The following FRYL variants were observed in gnomAD, a reference collection of about 807,000 sequenced individuals.
FRYL encodes the protein protein furry homolog-like.
A neutral mutation model predicts 351.2 loss-of-function variants in FRYL; 150 were observed. That is an observed-to-expected ratio of 0.43 (90% CI 0.37 to 0.49). FRYL has a LOEUF of 0.49. Ranked by LOEUF, FRYL falls within the 20% of genes least tolerant of loss-of-function variation. The pLI is 0.00. For missense variants in FRYL, 3,036 were observed against 3,619.3 expected (o/e 0.84, Z 4.13); for synonymous variants, 1,153 against 1,257.1 (o/e 0.92, Z 1.75).
chr4:48,642,574 C>G (rs1448393861), intron 3 of FRYL, among the ~76,000 whole-genome samples: 2 of 152,024 alleles, frequency 1.3e-5, no homozygotes, highest in African/African-American at 4.8e-5. Context: ...GTTTATTTAT[C>G]CTAAACTATT....
chr4:48,618,744 A>G (rs1279442079), intron 7 of FRYL: 1 of 152,404 alleles, frequency 6.6e-6, no homozygotes, highest in Non-Finnish European at 1.5e-5. Flanking sequence ...TTTATTGCCT[A>G]AAACAGTGCC....
chr4:48,688,695 ACT>A (rs1765403526), intron 2 of FRYL, among the ~76,000 whole-genome samples: 1 of 117,490 alleles, frequency 8.5e-6, no homozygotes, highest in Non-Finnish European at 1.6e-5. Context: ...ATGGAGTCTC[ACT>A]CTGTTGCCAG....
intron 41 of FRYL, 76 bp downstream of exon 41, chr4:48,547,507 GT>G: frequency 1.3e-6 from 1 of 759,024 alleles, no homozygotes; most frequent in Non-Finnish European, 2.0e-6. Context: ...CTTTTATTCA[GT>G]TGACTTTCTC....
Position 48,580,888 on chromosome 4 carries a change from T to A in FRYL, c.2236A>T (p.Ile746Leu). 1 of 1,610,936 alleles carries A rather than the reference T, an allele frequency of 6.2e-7. No homozygotes were observed. Among genetic ancestry groups the A allele is most frequent in the Non-Finnish European group, 8.5e-7 (1 of 1,177,860 alleles). The change falls in exon 22 of 64, where the codon ATA becomes TTA. Residue 746 changes from isoleucine (I) to leucine (L), a missense_variant. Physicochemically the swap from Ile to Leu is conservative, Grantham distance 5 (BLOSUM62 2). Coordinates refer to ENST00000358350, the MANE Select transcript of FRYL (RefSeq NM_015030.2). ...RLSPSILESF[I>L]HLTGADQTTL... ...ACCTGATCAGCCCCAGTGAGATGTA[T>A]GAAGCTCTCAAGAATGGATGGGCTT...
intron 1 of FRYL, among the ~76,000 whole-genome samples, chr4:48,718,698 T>G (rs1288422006): frequency 1.3e-5 from 2 of 151,566 alleles, no homozygotes; most frequent in African/African-American, 4.8e-5. Context: ...ATGTCAACCC[T>G]TCAAATTCAA....
chr4:48,640,198 C>G (rs928903924), intron 3 of FRYL, among the ~76,000 whole-genome samples: 5 of 152,150 alleles, frequency 3.3e-5, no homozygotes, highest in African/African-American at 9.7e-5. Context: ...CACAAAAAAC[C>G]TGCACATGGT....
chr4:48,574,617 T>G (rs1170390557), intron 25 of FRYL: 2 of 152,154 alleles, frequency 1.3e-5, no homozygotes, highest in Non-Finnish European at 2.9e-5. Flanking sequence ...AAAGAATAAA[T>G]TCTGTGCCCA....
chr4:48,733,261 C>T (rs535132471), intron 1 of FRYL, among the ~76,000 whole-genome samples: 2 of 149,924 alleles, frequency 1.3e-5, no homozygotes, highest in Non-Finnish European at 1.5e-5. Context: ...TGTGACAGAG[C>T]GAGACTCCAT....
intron 53 of FRYL, among the ~76,000 whole-genome samples, chr4:48,526,505 G>C (rs1348215202): frequency 1.3e-5 from 2 of 152,156 alleles, no homozygotes; most frequent in Non-Finnish European, 2.9e-5. Flanking sequence ...GACCATTTAG[G>C]AAAGCAGCTT....
chr4:48,557,368 T>C (rs1317478175), intron 34 of FRYL, 85 bp downstream of exon 34: 6 of 1,524,986 alleles, frequency 3.9e-6, no homozygotes, highest in African/African-American at 2.8e-5. Flanking sequence ...TATCACAGGA[T>C]TATGGAACCT....
chr4:48,515,485 A>G (rs1216473599), intron 55 of FRYL, among the ~76,000 whole-genome samples: 6 of 152,088 alleles, frequency 3.9e-5, no homozygotes, highest in South Asian at 2.1e-4. Context: ...CTCCTGCCTC[A>G]GCCTCCCAAA....
chr4:48,560,711 C>T (rs1321834513), intron 33 of FRYL, among the ~76,000 whole-genome samples: 2 of 152,132 alleles, frequency 1.3e-5, no homozygotes, highest in African/African-American at 4.8e-5. Context: ...CTACCAACTA[C>T]CAGGGCAAAC....
intron 62 of FRYL, among the ~76,000 whole-genome samples, chr4:48,501,085 C>CAAAAA (rs35171463): frequency 1.3e-5 from 1 of 75,334 alleles, no homozygotes; most frequent in Non-Finnish European, 2.5e-5. Flanking sequence ...GACTCTGCCT[C>CAAAAA]AAAAAAAAAA....
intron 26 of FRYL, 152 bp from the exon 27 acceptor site, chr4:48,571,070 A>G (rs1738211144): frequency 1.8e-6 from 1 of 556,358 alleles, no homozygotes; most frequent in African/African-American, 1.9e-5. Flanking sequence ...ACTGCCTCAA[A>G]GAGGTATGAG....
At chr4:48,606,417 G>A in intron 10 of FRYL, 21 bp downstream of exon 10, 1 of 1,543,828 alleles carries the variant, frequency 6.5e-7, no homozygotes, top group Admixed American at 1.7e-5. Flanking sequence ...TCTATTTACT[G>A]TCATTTAGAA....
chr4:48,700,816 A>T (rs543565465), intron 2 of FRYL, among the ~76,000 whole-genome samples: 2,669 of 138,950 alleles, frequency 0.019, 87 homozygotes, highest in African/African-American at 0.067. Flanking sequence ...AAATTAAATT[A>T]AAAAAAAAAA....
At chr4:48,684,372 G>A (rs1452882307) in intron 3 of FRYL, among the ~76,000 whole-genome samples, 1 of 152,110 alleles carries the variant, frequency 6.6e-6, no homozygotes, top group Non-Finnish European at 1.5e-5. Context: ...CTCGTTATAG[G>A]TGTTGATTGC....
chr4:48,746,149 A>C (rs1411526678), intron 1 of FRYL, among the ~76,000 whole-genome samples: 4 of 152,206 alleles, frequency 2.6e-5, no homozygotes, highest in African/African-American at 9.6e-5. Flanking sequence ...ATACATTTGC[A>C]TTTCCCACAG....
At chr4:48,628,469 G>A (rs1356333198) in intron 4 of FRYL, among the ~76,000 whole-genome samples, 2 of 74,838 alleles carry the variant, frequency 2.7e-5, no homozygotes, top group African/African-American at 6.9e-5. Flanking sequence ...TGTGTTTAAA[G>A]GTGATTTCAT....
Sources: allele counts gnomAD v4.1 joint callset (sites outside exome capture counted in the v4.1 genomes callset), GRCh38; gene constraint gnomAD v4.1.1; transcripts MANE v1.5; gene names NCBI Gene and HGNC (gene_info 2026-07-23, HGNC 2026-07-21).